KIAA1328: variants seen among roughly 807,000 people sequenced by gnomAD.
KIAA1328 encodes the protein KIAA1328.
Under a neutral mutation model 68.1 loss-of-function variants are expected in KIAA1328, and 52 were observed. The observed-to-expected ratio is 0.76, with a 90% CI of 0.61 to 0.96. KIAA1328 has a LOEUF of 0.96. KIAA1328 is among the 40% of genes least tolerant of loss of function. The pLI, the probability that KIAA1328 is intolerant of heterozygous loss-of-function variation, is 0.00. For synonymous variants in KIAA1328, 232 were observed against 239.4 expected, an observed-to-expected ratio of 0.97 and a Z score of 0.28; for missense variants, 641 against 677.6, an observed-to-expected ratio of 0.95 and a Z score of 0.60.
intron 5 of KIAA1328, among the ~76,000 whole-genome samples, chr18:36,905,826 G>A (rs1004144854): frequency 2.0e-5 from 3 of 152,144 alleles, no homozygotes; most frequent in African/African-American, 7.2e-5. Context: ...AGCTAAACAT[G>A]AGCTCAGATT....
intron 9 of KIAA1328, among the ~76,000 whole-genome samples, chr18:37,191,030 G>T (rs561413775): frequency 6.6e-6 from 1 of 152,186 alleles, no homozygotes; most frequent in East Asian, 1.9e-4. Flanking sequence ...TTAAAACTCT[G>T]GTTTCTTTCC....
chr18:36,829,269 A>T (rs1001915854), intron 1 of KIAA1328, 73 bp downstream of exon 1: 2 of 1,450,378 alleles, frequency 1.4e-6, no homozygotes, highest in African/African-American at 3.0e-5. Flanking sequence ...GTCGCGTGGC[A>T]GTCCGAGAGC....
chr18:37,028,421 G>C (rs1280775347), intron 6 of KIAA1328, among the ~76,000 whole-genome samples: 1 of 151,934 alleles, frequency 6.6e-6, no homozygotes, highest in South Asian at 2.1e-4. Context: ...TTATCTAGGA[G>C]CTTTAGGGCA....
intron 6 of KIAA1328, among the ~76,000 whole-genome samples, chr18:37,017,801 T>C (rs960278628): frequency 1.1e-4 from 16 of 152,156 alleles, no homozygotes; most frequent in African/African-American, 3.6e-4. Flanking sequence ...TTTTGTTTTC[T>C]ATTTATGCGG....
In KIAA1328 at chr18:36,872,493, G is replaced by A. The variant is rs185600649; in HGVS notation, c.333-13064G>A. Among the ~76,000 whole-genome samples, 82 of 152,262 alleles carry A rather than the reference G, an allele frequency of 5.4e-4. 1 individual carries two copies. Among genetic ancestry groups the A allele is most frequent in the African/African-American group, 1.9e-3 (80 of 41,528 alleles). ...TCTGGCCCACCTGAAGGGAAGTTATGCCTGAAGGAATTTGAAACCTGTGGT... is the reference window on the plus strand; with the variant it reads ...TCTGGCCCACCTGAAGGGAAGTTATACCTGAAGGAATTTGAAACCTGTGGT... On this transcript the variant is annotated intron_variant, in intron 4 of 9. Coordinates refer to ENST00000280020, the MANE Select transcript of KIAA1328 (RefSeq NM_020776.3).
intron 7 of KIAA1328, among the ~76,000 whole-genome samples, chr18:37,157,757 A>G (rs996919876): frequency 1.3e-5 from 2 of 150,326 alleles, no homozygotes; most frequent in East Asian, 3.9e-4. Flanking sequence ...GTGGTGAGCA[A>G]AGACTGCGCC....
intron 6 of KIAA1328, among the ~76,000 whole-genome samples, chr18:37,026,263 A>T (rs916770567): frequency 6.6e-6 from 1 of 152,170 alleles, no homozygotes; most frequent in Admixed American, 6.5e-5. Context: ...CCAGGACCAG[A>T]TGGATTCACA....
chr18:37,118,851 AG>A (rs2058193035), intron 7 of KIAA1328, among the ~76,000 whole-genome samples: 1 of 152,134 alleles, frequency 6.6e-6, no homozygotes, highest in African/African-American at 2.4e-5. Context: ...TTAACTACGG[AG>A]GAAACAGCAC....
At chr18:37,179,412 TAATA>T (rs2059657218) in intron 9 of KIAA1328, among the ~76,000 whole-genome samples, 1 of 152,208 alleles carries the variant, frequency 6.6e-6, no homozygotes, top group South Asian at 2.1e-4. Flanking sequence ...GTTATTGTGT[TAATA>T]GTTTAGTTTG....
At chr18:37,143,945 C>T (rs886755765) in intron 7 of KIAA1328, among the ~76,000 whole-genome samples, 4 of 151,970 alleles carry the variant, frequency 2.6e-5, no homozygotes, top group African/African-American at 7.2e-5. Flanking sequence ...TAACAAAATA[C>T]GTTGCAAAGT....
At chr18:37,216,809 G>C (rs956784714) in intron 9 of KIAA1328, among the ~76,000 whole-genome samples, 1 of 151,412 alleles carries the variant, frequency 6.6e-6, no homozygotes, top group Admixed American at 6.6e-5. Flanking sequence ...GAATCTGGGT[G>C]CTCCTGTATT....
At chr18:36,888,174 G>A (rs2048564346) in intron 5 of KIAA1328, among the ~76,000 whole-genome samples, 1 of 152,120 alleles carries the variant, frequency 6.6e-6, no homozygotes, top group Admixed American at 6.5e-5. Flanking sequence ...TTAACTCGGG[G>A]GGAGAACACT....
At chr18:36,961,008 C>T (rs1389724076) in intron 6 of KIAA1328, among the ~76,000 whole-genome samples, 4 of 152,140 alleles carry the variant, frequency 2.6e-5, no homozygotes, top group Non-Finnish European at 5.9e-5. Flanking sequence ...TTGATAATAA[C>T]ACACTTCTCT....
At chr18:36,906,889 G>T (rs1478585880) in intron 5 of KIAA1328, among the ~76,000 whole-genome samples, 1 of 152,058 alleles carries the variant, frequency 6.6e-6, no homozygotes, top group Non-Finnish European at 1.5e-5. Context: ...TTGAGATTGT[G>T]TTGAATATAT....
chr18:37,092,049 G>T (rs1407393006), intron 7 of KIAA1328, among the ~76,000 whole-genome samples: 1 of 152,054 alleles, frequency 6.6e-6, no homozygotes, highest in African/African-American at 2.4e-5. Context: ...TACCAGCAGT[G>T]CCCAGGCATG....
chr18:37,229,432 A>AT (rs1001810470), downstream of KIAA1328: 7 of 515,302 alleles, frequency 1.4e-5, no homozygotes, highest in African/African-American at 4.1e-5. Flanking sequence ...CTTGAGGGTG[A>AT]TTTTTTGCAC....
At chr18:37,156,210 C>T (rs1480142075) in intron 7 of KIAA1328, among the ~76,000 whole-genome samples, 18 of 151,936 alleles carry the variant, frequency 1.2e-4, no homozygotes, top group Non-Finnish European at 1.5e-5. Flanking sequence ...AGTTCGAGAC[C>T]AGCCTCACCA....
At chr18:36,935,713 G>A (rs1165323967) in intron 5 of KIAA1328, among the ~76,000 whole-genome samples, 2 of 152,112 alleles carry the variant, frequency 1.3e-5, no homozygotes, top group African/African-American at 4.8e-5. Flanking sequence ...TGCACTGCTT[G>A]TCCTAATTAA....
In KIAA1328 at chr18:37,223,847, G is replaced by T. The variant is rs942382064; in HGVS notation, c.*1620G>T. The T allele has an allele frequency of 1.0e-6, 1 of 984,602 alleles. No individual in the cohort carries two copies. Among genetic ancestry groups the T allele is most frequent in the Non-Finnish European group, 1.2e-6 (1 of 829,260 alleles). The allele number at this position is 984,602 out of a possible 1,614,324, so 61.0% of individuals were successfully genotyped here. A position where few individuals can be genotyped will look rare whatever the true frequency, so the allele number is the denominator to read the frequency against. ...TTGGGGTTTTTTATTCTTTGGAGTA[G>T]AAAAGAATGGAGCCCACTAATATTA... On this transcript the variant is annotated 3_prime_UTR_variant, in exon 10 of 10. Transcript: ENST00000280020.
Sources: gnomAD v4.1 joint callset for allele counts (sites outside exome capture counted in the v4.1 genomes callset) on GRCh38, gnomAD v4.1.1 for gene constraint, MANE v1.5 for transcripts, NCBI Gene and HGNC (gene_info 2026-07-23, HGNC 2026-07-21) for gene names.